Variants in NAALADL2 observed in about 807,000 individuals in gnomAD.
The protein encoded by NAALADL2 is N-acetylated alpha-linked acidic dipeptidase like 2, also known as inactive N-acetylated-alpha-linked acidic dipeptidase-like protein 2.
Under a neutral mutation model 87.2 loss-of-function variants are expected in NAALADL2, and 76 were observed. The ratio of observed to expected loss-of-function variants is 0.87; its 90% CI spans 0.72 to 1.05. The LOEUF (loss-of-function observed/expected upper bound fraction) is 1.05. Ranked by LOEUF, NAALADL2 falls within the 50% of genes least tolerant of loss-of-function variation. NAALADL2 has a pLI of 0.00. For missense variants in NAALADL2, 1,089 were observed against 945.8 expected (o/e 1.15, Z -1.99); for synonymous variants, 354 against 331.0 (o/e 1.07, Z -0.75).
intron 4 of NAALADL2, among the ~76,000 whole-genome samples, chr3:175,298,582 ATC>A (rs781019963): frequency 2.3e-4 from 35 of 152,112 alleles, no homozygotes; most frequent in Non-Finnish European, 4.4e-4. Flanking sequence ...AAATTTTCAA[ATC>A]TCTCTGCTTG....
chr3:175,563,270 G>A (rs9824934), intron 9 of NAALADL2, among the ~76,000 whole-genome samples: 137,255 of 152,134 alleles, frequency 0.9, 62,069 homozygotes, highest in Middle Eastern at 0.96. Context: ...TTGCTCTTTT[G>A]TATTTATCTC....
chr3:174,472,753 G>C (rs138617488), intron 1 of NAALADL2, among the ~76,000 whole-genome samples: 85 of 151,770 alleles, frequency 5.6e-4, no homozygotes, highest in Non-Finnish European at 9.7e-4. Flanking sequence ...CTAGTATCTT[G>C]CTGGCTGTAA....
intron 4 of NAALADL2, among the ~76,000 whole-genome samples, chr3:175,288,305 A>G (rs369609131): frequency 6.6e-5 from 10 of 152,132 alleles, no homozygotes; most frequent in African/African-American, 2.4e-4. Context: ...TTGATTGGAA[A>G]AGGCCCACAC....
At chr3:174,614,776 C>T (rs1351654548) in intron 2 of NAALADL2, among the ~76,000 whole-genome samples, 1 of 152,064 alleles carries the variant, frequency 6.6e-6, no homozygotes, top group Admixed American at 6.6e-5. Flanking sequence ...TTCCATTTTG[C>T]CCCCTTGCTT....
At chr3:174,776,897 TTGTG>T (rs982140933) in intron 3 of NAALADL2, among the ~76,000 whole-genome samples, 1 of 152,152 alleles carries the variant, frequency 6.6e-6, no homozygotes, top group Non-Finnish European at 1.5e-5. Context: ...GCACAGAACA[TTGTG>T]TGACCATAGA....
intron 1 of NAALADL2, among the ~76,000 whole-genome samples, chr3:174,860,433 A>T (rs1247162817): frequency 1.3e-5 from 2 of 152,224 alleles, no homozygotes; most frequent in East Asian, 3.9e-4. Context: ...CTATTGAAGA[A>T]AAACAGTAAG....
In NAALADL2 at chr3:175,180,012, A is replaced by G. The variant is rs73881430; in HGVS notation, c.546-53919A>G. ...TCTGTAATTGTGTTGATGGTTCAGA[A>G]CAGCTTTTTGAGGCTCATTTAGCAG... On this transcript the variant is annotated intron_variant, in intron 2 of 13. Coordinates refer to ENST00000454872, the MANE Select transcript of NAALADL2 (RefSeq NM_207015.3). 4.3e-3 allele frequency among the ~76,000 whole-genome samples: 659 copies of G among 152,120 alleles called. 6 individuals carry two copies. Among genetic ancestry groups the G allele is most frequent in the Middle Eastern group, 0.017 (5 of 294 alleles).
At chr3:175,287,534 A>G (rs1414505362) in intron 4 of NAALADL2, among the ~76,000 whole-genome samples, 1 of 152,210 alleles carries the variant, frequency 6.6e-6, no homozygotes, top group Non-Finnish European at 1.5e-5. Flanking sequence ...GAGGTTACAT[A>G]ACTTGCCCAG....
At chr3:175,162,765 G>A (rs901531141) in intron 2 of NAALADL2, among the ~76,000 whole-genome samples, 12 of 152,016 alleles carry the variant, frequency 7.9e-5, no homozygotes, top group Non-Finnish European at 1.6e-4. Flanking sequence ...CTTGAAATTT[G>A]TTTGTTCATA....
At chr3:175,605,646 T>TTTGTTTTG in intron 10 of NAALADL2, among the ~76,000 whole-genome samples, 1 of 131,064 alleles carries the variant, frequency 7.6e-6, no homozygotes, top group Admixed American at 8.0e-5. Context: ...GCTTGTTTTT[T>TTTGTTTTG]TTTTTTTTTT....
At chr3:175,277,124 A>C (rs2110057243) in intron 4 of NAALADL2, among the ~76,000 whole-genome samples, 1 of 152,294 alleles carries the variant, frequency 6.6e-6, no homozygotes, top group African/African-American at 2.4e-5. Context: ...TATGTCTTTA[A>C]TAGACAAATA....
Position 175,554,293 on chromosome 3 carries a change from C to T in NAALADL2, c.1654-21748C>T, listed in dbSNP as rs548714723. Reference sequence around the variant, plus strand: ...TTCTATTCTGAATGCAATGGGAAGCCCTTGGAAAGTTTAACTCAAGAGGGA... The same window carrying T: ...TTCTATTCTGAATGCAATGGGAAGCTCTTGGAAAGTTTAACTCAAGAGGGA... On this transcript the variant is annotated intron_variant, in intron 9 of 13. Transcript: ENST00000454872. 3.3e-5 allele frequency among the ~76,000 whole-genome samples: 5 copies of T among 152,102 alleles called. No individual in the cohort carries two copies. The East Asian group carries it at 9.7e-4, about 29-fold the overall frequency.
chr3:175,755,021 T>C (rs1747075174), intron 12 of NAALADL2, among the ~76,000 whole-genome samples, 199 bp from the exon 13 acceptor site: 1 of 152,164 alleles, frequency 6.6e-6, no homozygotes. Flanking sequence ...TCTTTTTCCT[T>C]GGACAGGTAA....
intron 6 of NAALADL2, among the ~76,000 whole-genome samples, chr3:175,449,776 A>G (rs1641344996): frequency 6.6e-6 from 1 of 152,200 alleles, no homozygotes; most frequent in South Asian, 2.1e-4. Flanking sequence ...TAAATTAACA[A>G]CAGGCATGAA....
At chr3:174,973,240 T>G (rs1326372796) in intron 1 of NAALADL2, among the ~76,000 whole-genome samples, 2 of 152,170 alleles carry the variant, frequency 1.3e-5, no homozygotes, top group Admixed American at 1.3e-4. Flanking sequence ...CAAAACATTT[T>G]CAATTTTAAA....
chr3:174,549,173 A>G (rs1036981844), intron 1 of NAALADL2, among the ~76,000 whole-genome samples: 1 of 152,172 alleles, frequency 6.6e-6, no homozygotes, highest in African/African-American at 2.4e-5. Flanking sequence ...ATGTATTTTT[A>G]TTTACAATGC....
At chr3:174,848,128 T>C (rs1157870292) in intron 3 of NAALADL2, among the ~76,000 whole-genome samples, 1 of 152,128 alleles carries the variant, frequency 6.6e-6, no homozygotes, top group Non-Finnish European at 1.5e-5. Flanking sequence ...TTAAAAACAA[T>C]TAAGTACCAA....
chr3:175,005,641 C>T (rs1411171768), intron 1 of NAALADL2, among the ~76,000 whole-genome samples: 1 of 152,140 alleles, frequency 6.6e-6, no homozygotes, highest in Non-Finnish European at 1.5e-5. Flanking sequence ...TTCCAAAACA[C>T]TCCTATATTA....
intron 2 of NAALADL2, among the ~76,000 whole-genome samples, chr3:174,629,664 A>G (rs1019647323): frequency 6.6e-6 from 1 of 152,210 alleles, no homozygotes; most frequent in African/African-American, 2.4e-5. Context: ...ATACCGTTAT[A>G]TCTTTTCATA....
Sources: allele counts gnomAD v4.1 joint callset (sites outside exome capture counted in the v4.1 genomes callset), GRCh38; gene constraint gnomAD v4.1.1; transcripts MANE v1.5; gene names NCBI Gene and HGNC (gene_info 2026-07-23, HGNC 2026-07-21).